GARRE1: variants seen among roughly 807,000 people sequenced by gnomAD.
The protein encoded by GARRE1 is granule associated Rac and RHOG effector 1, also known as granule associated Rac and RHOG effector protein 1.
Under a neutral mutation model 103.2 loss-of-function variants are expected in GARRE1, and 49 were observed. The observed-to-expected ratio is 0.47, with a 90% CI of 0.38 to 0.60. The LOEUF (loss-of-function observed/expected upper bound fraction) is 0.60, where lower values mean the gene tolerates loss of function less well. Among genes scored for constraint, GARRE1 ranks in the 20% least tolerant of loss-of-function variants. GARRE1 has a pLI of 0.00. For synonymous variants in GARRE1, 505 were observed against 532.8 expected (o/e 0.95, Z 0.72); for missense variants, 1,199 against 1,370.5 (o/e 0.87, Z 1.98).
chr19:34,283,830 C>CTT (rs11335136), intron 1 of GARRE1, among the ~76,000 whole-genome samples: 52 of 117,242 alleles, frequency 4.4e-4, no homozygotes, highest in Admixed American at 5.5e-4. Context: ...TTCTTTCTTT[C>CTT]TTTTTTTTTT....
chr19:34,288,996 G>A (rs1434809404), intron 1 of GARRE1, among the ~76,000 whole-genome samples: 3 of 152,076 alleles, frequency 2.0e-5, no homozygotes, highest in South Asian at 4.1e-4. Context: ...GCTGGGCATG[G>A]TGGTGTGTGC....
At chr19:34,346,024 G>C (rs943997664) in intron 10 of GARRE1, among the ~76,000 whole-genome samples, 1 of 152,118 alleles carries the variant, frequency 6.6e-6, no homozygotes, top group Admixed American at 6.6e-5. Flanking sequence ...GCAGATTAAG[G>C]AGGGGCACCC....
At chr19:34,287,154 A>T (rs924975834) in intron 1 of GARRE1, among the ~76,000 whole-genome samples, 1 of 151,488 alleles carries the variant, frequency 6.6e-6, no homozygotes, top group Non-Finnish European at 1.5e-5. Flanking sequence ...AAAAAAAAAA[A>T]AGTGTATTCT....
At chr19:34,328,561 A>G (rs1174585201) in intron 6 of GARRE1, among the ~76,000 whole-genome samples, 4 of 151,552 alleles carry the variant, frequency 2.6e-5, no homozygotes, top group African/African-American at 4.8e-5. Context: ...AAGCAGACCT[A>G]CGGAGACTTT....
At chr19:34,291,861 C>CT (rs35386109) in intron 1 of GARRE1, among the ~76,000 whole-genome samples, 19,849 of 142,062 alleles carry the variant, frequency 0.14, 1,836 homozygotes, top group African/African-American at 0.26. Context: ...CATAAATCTA[C>CT]TTTTTTTTTT....
chr19:34,340,121 T>C (rs1292097358), intron 9 of GARRE1, 129 bp downstream of exon 9: 4 of 919,856 alleles, frequency 4.3e-6, no homozygotes, highest in Non-Finnish European at 1.7e-6. Context: ...TTAGTAACTT[T>C]TATTTTCAGA....
chr19:34,328,103 G>T lies in GARRE1; in HGVS notation c.1056G>T (p.Lys352Asn). ...TGCAGATAGGATCGCACTTCCTGAAGGGCGTCTCCTTTAATGAGTCGGCCG... is the reference window on the plus strand; with the variant it reads ...TGCAGATAGGATCGCACTTCCTGAATGGCGTCTCCTTTAATGAGTCGGCCG... ...VPVQIGSHFL[K>N]GVSFNESAAD... Residue 352 changes from lysine to asparagine, a missense_variant, in exon 6 of 14, where the codon AAG becomes AAT. Lys to Asn is a moderately conservative substitution (Grantham distance 94). Transcript: ENST00000299505. 2 of 1,614,184 alleles carry T rather than the reference G, an allele frequency of 1.2e-6. No individual in the cohort carries two copies. Among genetic ancestry groups the T allele is most frequent in the Non-Finnish European group, 1.7e-6 (2 of 1,180,048 alleles).
intron 1 of GARRE1, among the ~76,000 whole-genome samples, chr19:34,256,776 A>C: frequency 6.6e-6 from 1 of 152,186 alleles, no homozygotes; most frequent in East Asian, 1.9e-4. Flanking sequence ...GATGTTTTCA[A>C]GTGTCTTTAA....
At chr19:34,264,319 T>C (rs1409883636) in intron 1 of GARRE1, among the ~76,000 whole-genome samples, 1 of 152,056 alleles carries the variant, frequency 6.6e-6, no homozygotes, top group Non-Finnish European at 1.5e-5. Context: ...CCAGCCAGCC[T>C]GAGGCAGGCA....
Position 34,300,591 on chromosome 19 carries a change from G to A in GARRE1, c.118G>A (p.Ala40Thr), listed in dbSNP as rs151200468. Residue 40 changes from alanine to threonine, a missense_variant, in exon 2 of 14, where the codon GCA (alanine) becomes ACA (threonine). Physicochemically the swap from Ala to Thr is moderately conservative, Grantham distance 58. Transcript: ENST00000299505. ...QQYPMPELGR[A>T]LSAPLASTAT... Reference sequence around the variant, plus strand: ...ATACCCGATGCCTGAGCTGGGCCGAGCACTGAGTGCTCCCCTGGCATCCAC... The same window carrying A: ...ATACCCGATGCCTGAGCTGGGCCGAACACTGAGTGCTCCCCTGGCATCCAC... 4.0e-3 allele frequency: 6,424 copies of A among 1,613,458 alleles called. 85 individuals carry two copies. The highest frequency in any genetic ancestry group is 0.032 in the South Asian group (2,959 of 91,084).
At chr19:34,314,351 CAAAA>C (rs928743128) in intron 2 of GARRE1, among the ~76,000 whole-genome samples, 11 of 149,664 alleles carry the variant, frequency 7.3e-5, no homozygotes, top group African/African-American at 9.8e-5. Flanking sequence ...CTACTTTTTG[CAAAA>C]AAAAATCTAT....
chr19:34,270,906 G>A (rs995259449), intron 1 of GARRE1, among the ~76,000 whole-genome samples: 1 of 152,122 alleles, frequency 6.6e-6, no homozygotes, highest in African/African-American at 2.4e-5. Flanking sequence ...GGGATGTTCA[G>A]CAGCACTTCT....
At chr19:34,273,888 G>A (rs542624049) in intron 1 of GARRE1, among the ~76,000 whole-genome samples, 13 of 152,140 alleles carry the variant, frequency 8.5e-5, no homozygotes, top group South Asian at 4.2e-4. Context: ...GTGTTGGGGC[G>A]GTGTAAGAAA....
At chr19:34,336,246 C>G (rs1407328427) in intron 8 of GARRE1, among the ~76,000 whole-genome samples, 2 of 152,164 alleles carry the variant, frequency 1.3e-5, no homozygotes, top group Non-Finnish European at 2.9e-5. Flanking sequence ...CTGCCTTGGC[C>G]TCCCAAAGTG....
chr19:34,283,157 T>G (rs2073865258), intron 1 of GARRE1, among the ~76,000 whole-genome samples: 1 of 152,202 alleles, frequency 6.6e-6, no homozygotes, highest in Non-Finnish European at 1.5e-5. Context: ...CTCTGTTGGT[T>G]TAAGGACTGA....
intron 1 of GARRE1, among the ~76,000 whole-genome samples, chr19:34,277,901 A>ACC (rs57721089): frequency 2.1e-5 from 2 of 93,810 alleles, no homozygotes; most frequent in Non-Finnish European, 4.4e-5. Flanking sequence ...GCTTGATTTC[A>ACC]CCCCCCCCCC....
rs531834473 is a variant in GARRE1, at chr19:34,270,141, C to T, written c.-796+15527C>T. ...TTCCTCCCCCACTTCCTATTTTTACCGCAGTTGCACAGGAAATGAGGCGGC... is the reference window on the plus strand; with the variant it reads ...TTCCTCCCCCACTTCCTATTTTTACTGCAGTTGCACAGGAAATGAGGCGGC... On this transcript the variant is annotated intron_variant, in intron 1 of 13. Coordinates refer to ENST00000299505, the MANE Select transcript of GARRE1 (RefSeq NM_014686.5). 4.1e-4 allele frequency among the ~76,000 whole-genome samples: 62 copies of T among 152,294 alleles called. 1 individual carries two copies. Among genetic ancestry groups the T allele is most frequent in the African/African-American group, 1.3e-3 (56 of 41,554 alleles).
intron 6 of GARRE1, among the ~76,000 whole-genome samples, chr19:34,328,401 C>T (rs2074122246): frequency 6.6e-6 from 1 of 151,496 alleles, no homozygotes; most frequent in African/African-American, 2.4e-5. Flanking sequence ...CGGTGGCACG[C>T]ACCTGTAGTC....
chr19:34,287,392 A>G (rs2073893849), intron 1 of GARRE1, among the ~76,000 whole-genome samples: 1 of 152,072 alleles, frequency 6.6e-6, no homozygotes, highest in African/African-American at 2.4e-5. Context: ...CCTGGACTCA[A>G]GTGACCCTCC....
Sources: gnomAD v4.1 joint callset for allele counts (sites outside exome capture counted in the v4.1 genomes callset) on GRCh38, gnomAD v4.1.1 for gene constraint, MANE v1.5 for transcripts, NCBI Gene and HGNC (gene_info 2026-07-23, HGNC 2026-07-21) for gene names.